AGBL4: variants seen among roughly 807,000 people sequenced by gnomAD.
AGBL4 encodes AGBL carboxypeptidase 4, also known as cytosolic carboxypeptidase 6.
AGBL4 carries 58 observed loss-of-function variants against 66.4 expected under a neutral mutation model. The observed-to-expected ratio is 0.87, with a 90% CI of 0.71 to 1.09. The LOEUF (loss-of-function observed/expected upper bound fraction) is 1.09, where lower values mean the gene tolerates loss of function less well. AGBL4 is among the 50% of genes least tolerant of loss of function. AGBL4 has a pLI of 0.00. For missense variants in AGBL4, 579 were observed against 631.0 expected (o/e 0.92, Z 0.88); for synonymous variants, 234 against 222.9 (o/e 1.05, Z -0.44).
intron 3 of AGBL4, among the ~76,000 whole-genome samples, chr1:49,330,944 C>G (rs1008398714): frequency 6.6e-6 from 1 of 152,080 alleles, no homozygotes; most frequent in Non-Finnish European, 1.5e-5. Context: ...AGTGCGACGG[C>G]CCACCTGGGA....
intron 3 of AGBL4, among the ~76,000 whole-genome samples, chr1:49,468,728 G>A (rs1419173775): frequency 6.6e-6 from 1 of 151,722 alleles, no homozygotes; most frequent in Non-Finnish European, 1.5e-5. Flanking sequence ...AATAAATTGT[G>A]TGGAGACCTT....
At chr1:48,524,143 C>T in the AGBL4 span, among the ~76,000 whole-genome samples, 15 of 152,050 alleles carry the variant, frequency 9.9e-5, no homozygotes. Flanking sequence ...TAGAGCAGGC[C>T]CTCAGTGAGT....
chr1:49,852,733 A>G (rs1646336569), intron 1 of AGBL4, among the ~76,000 whole-genome samples: 1 of 152,156 alleles, frequency 6.6e-6, no homozygotes, highest in Non-Finnish European at 1.5e-5. Flanking sequence ...TCATCACTAT[A>G]AATGGATATA....
rs988797706 is a variant in AGBL4, at chr1:49,470,240, T to C, written c.283-224376A>G. Among the ~76,000 whole-genome samples, 8 of 151,988 alleles carry C rather than the reference T, an allele frequency of 5.3e-5. 1 individual carries two copies. Among genetic ancestry groups the C allele is most frequent in the Non-Finnish European group, 1.2e-4 (8 of 67,968 alleles). On this transcript the variant is annotated intron_variant, in intron 3 of 13. Coordinates refer to ENST00000371839, the MANE Select transcript of AGBL4 (RefSeq NM_032785.4). The stretch of plus-strand genomic sequence containing the variant: ...TATAATAGTATTAAAACAATATCTA[T>C]ATCAAATGTATACTATAGATTTCTT...
At chr1:49,440,268 C>CA (rs1426309359) in intron 3 of AGBL4, among the ~76,000 whole-genome samples, 2 of 152,034 alleles carry the variant, frequency 1.3e-5, no homozygotes, top group Non-Finnish European at 2.9e-5. Flanking sequence ...CAGGGTTTCA[C>CA]TGTGTTAGCC....
At chr1:48,637,234 AG>A (rs1408152584) in intron 8 of AGBL4, among the ~76,000 whole-genome samples, 1 of 152,190 alleles carries the variant, frequency 6.6e-6, no homozygotes, top group Non-Finnish European at 1.5e-5. Flanking sequence ...ATGGACTAAT[AG>A]TTTTGCAGTC....
chr1:48,596,329 C>T (rs1644993791), intron 9 of AGBL4, among the ~76,000 whole-genome samples: 1 of 152,108 alleles, frequency 6.6e-6, no homozygotes, highest in African/African-American at 2.4e-5. Flanking sequence ...GTGGGAGGAG[C>T]AAGAAGTGTT....
At chr1:49,233,519 A>G (rs1415674324) in intron 4 of AGBL4, among the ~76,000 whole-genome samples, 1 of 152,196 alleles carries the variant, frequency 6.6e-6, no homozygotes, top group Non-Finnish European at 1.5e-5. Flanking sequence ...TATGACTCCA[A>G]AGTCAGTACT....
intron 1 of AGBL4, among the ~76,000 whole-genome samples, chr1:49,861,790 G>A (rs1646579322): frequency 6.6e-6 from 1 of 152,184 alleles, no homozygotes; most frequent in Non-Finnish European, 1.5e-5. Context: ...GACGATCAAG[G>A]TGGTACATCT....
At chr1:49,223,165 TG>T (rs1210387605) in intron 4 of AGBL4, among the ~76,000 whole-genome samples, 1 of 152,144 alleles carries the variant, frequency 6.6e-6, no homozygotes, top group Non-Finnish European at 1.5e-5. Context: ...AAGAGTGAGT[TG>T]AATCTCAGAA....
At chr1:49,765,607 CA>C (rs1366714536) in intron 2 of AGBL4, among the ~76,000 whole-genome samples, 1 of 151,770 alleles carries the variant, frequency 6.6e-6, no homozygotes, top group Non-Finnish European at 1.5e-5. Flanking sequence ...AACCAAAATG[CA>C]AACTAATAAA....
At chr1:49,033,263 T>C (rs1355084973) in intron 5 of AGBL4, among the ~76,000 whole-genome samples, 1 of 152,098 alleles carries the variant, frequency 6.6e-6, no homozygotes, top group East Asian at 1.9e-4. Context: ...TTAGAGTGTC[T>C]GATCAGGACA....
chr1:48,674,690 C>G (rs1328176564), intron 6 of AGBL4, among the ~76,000 whole-genome samples: 1 of 152,124 alleles, frequency 6.6e-6, no homozygotes, highest in Non-Finnish European at 1.5e-5. Context: ...TAATATTCAT[C>G]TTATTGGGTG....
intron 6 of AGBL4, among the ~76,000 whole-genome samples, chr1:48,794,484 C>A (rs1371625971): frequency 6.6e-6 from 1 of 152,136 alleles, no homozygotes; most frequent in African/African-American, 2.4e-5. Flanking sequence ...TAAACATCCA[C>A]TCACCTCCCA....
At chr1:49,480,262 A>T (rs1451859775) in intron 3 of AGBL4, among the ~76,000 whole-genome samples, 2 of 152,004 alleles carry the variant, frequency 1.3e-5, no homozygotes, top group Non-Finnish European at 2.9e-5. Context: ...AACAACATGA[A>T]AGTATTCTTT....
chr1:49,480,329 C>A (rs1306715261), intron 3 of AGBL4, among the ~76,000 whole-genome samples: 1 of 151,944 alleles, frequency 6.6e-6, no homozygotes, highest in African/African-American at 2.4e-5. Flanking sequence ...TATAGCCATT[C>A]TGACTGGTGT....
At chr1:49,764,064 C>T (rs1418906910) in intron 2 of AGBL4, among the ~76,000 whole-genome samples, 1 of 152,158 alleles carries the variant, frequency 6.6e-6, no homozygotes, top group African/African-American at 2.4e-5. Context: ...CTGCGCAACC[C>T]CCTACATCTG....
intron 1 of AGBL4, among the ~76,000 whole-genome samples, chr1:49,957,204 A>T (rs1465090536): frequency 6.6e-6 from 1 of 152,058 alleles, no homozygotes; most frequent in South Asian, 2.1e-4. Context: ...GAATGGGCAC[A>T]GTGGAAATAC....
At chr1:49,795,700 A>G (rs1195493514) in intron 2 of AGBL4, among the ~76,000 whole-genome samples, 3 of 151,886 alleles carry the variant, frequency 2.0e-5, no homozygotes, top group Non-Finnish European at 4.4e-5. Context: ...ATCCCAAATC[A>G]GTAGTAAAGA....
Sources: allele counts gnomAD v4.1 joint callset (sites outside exome capture counted in the v4.1 genomes callset), GRCh38; gene constraint gnomAD v4.1.1; transcripts MANE v1.5; gene names NCBI Gene and HGNC (gene_info 2026-07-23, HGNC 2026-07-21).